The following PTPN4 variants were observed in gnomAD, a reference collection of about 807,000 sequenced individuals.
PTPN4 encodes tyrosine-protein phosphatase non-receptor type 4.
A neutral mutation model predicts 135.5 loss-of-function variants in PTPN4; 49 were observed. The ratio of observed to expected loss-of-function variants is 0.36; its 90% CI spans 0.29 to 0.46. The LOEUF is 0.46. Ranked by LOEUF, PTPN4 falls within the 20% of genes least tolerant of loss-of-function variation. The probability of loss-of-function intolerance (pLI) is 1.00; values close to 1 mark genes in which losing one functional copy is unlikely to be tolerated. For missense variants in PTPN4, 860 were observed against 1,101.0 expected (o/e 0.78, Z 3.10); for synonymous variants, 333 against 369.9 (o/e 0.90, Z 1.14).
intron 20 of PTPN4, among the ~76,000 whole-genome samples, chr2:119,956,296 C>A (rs903739012): frequency 1.4e-4 from 17 of 119,336 alleles, no homozygotes; most frequent in African/African-American, 4.8e-4. Context: ...CTAGGCTGAT[C>A]TCAAATTCCT....
At chr2:119,893,013 G>C (rs919468968) in intron 9 of PTPN4, among the ~76,000 whole-genome samples, 8 of 151,968 alleles carry the variant, frequency 5.3e-5, no homozygotes, top group African/African-American at 1.9e-4. Flanking sequence ...GCAGACATGA[G>C]CCACCACATC....
intron 1 of PTPN4, among the ~76,000 whole-genome samples, chr2:119,777,836 C>T (rs1351215205): frequency 6.6e-6 from 1 of 151,654 alleles, no homozygotes; most frequent in Non-Finnish European, 1.5e-5. Flanking sequence ...TTTTTTTCCC[C>T]TAAGAGATGA....
At chr2:119,929,712 G>A (rs1310967812) in intron 13 of PTPN4, among the ~76,000 whole-genome samples, 2 of 152,062 alleles carry the variant, frequency 1.3e-5, no homozygotes, top group East Asian at 3.9e-4. Flanking sequence ...TTGAGTGGGT[G>A]GGTCCCTGAG....
chr2:119,864,722 C>T (rs559743237), intron 3 of PTPN4, among the ~76,000 whole-genome samples: 7 of 152,164 alleles, frequency 4.6e-5, no homozygotes. Context: ...ATATCATATA[C>T]AAAAAGATGT....
At chr2:119,921,690 G>A (rs951390175) in intron 12 of PTPN4, among the ~76,000 whole-genome samples, 1 of 150,544 alleles carries the variant, frequency 6.6e-6, no homozygotes, top group Non-Finnish European at 1.5e-5. Context: ...AAATTTAAAA[G>A]CAAATAGATG....
At chr2:119,915,343 T>A in intron 11 of PTPN4, 101 bp downstream of exon 11, 2 of 969,450 alleles carry the variant, frequency 2.1e-6, no homozygotes, top group Non-Finnish European at 2.9e-6. Flanking sequence ...AAAGTGCAAT[T>A]AATACTGTGG....
chr2:119,931,342 A>T (rs897946728), intron 13 of PTPN4, among the ~76,000 whole-genome samples: 2 of 151,638 alleles, frequency 1.3e-5, no homozygotes, highest in African/African-American at 4.8e-5. Flanking sequence ...ATTTGTTAAC[A>T]TTCCTAAAAT....
At chr2:119,937,098 C>A (rs1678994873) in intron 15 of PTPN4, among the ~76,000 whole-genome samples, 1 of 152,120 alleles carries the variant, frequency 6.6e-6, no homozygotes, top group Non-Finnish European at 1.5e-5. Context: ...GAACACTTGT[C>A]CCAATTTACA....
rs1167036986 is a variant in PTPN4 at position 119,770,652 on chromosome 2, C to T, written c.-18+10268C>T. On this transcript the variant is annotated intron_variant, in intron 1 of 26. Transcript: ENST00000263708. ...TACCTTGGAGATCATTTGACTTCAG[C>T]ATATAAAAAGCTGTCCCTTTCTTCT... 2.0e-5 allele frequency among the ~76,000 whole-genome samples: 3 copies of T among 152,086 alleles called. No individual in the cohort carries two copies. In the East Asian group the frequency reaches 5.8e-4, roughly 29 times the overall value.
chr2:119,777,620 A>G (rs1690860374), intron 1 of PTPN4, among the ~76,000 whole-genome samples: 1 of 152,158 alleles, frequency 6.6e-6, no homozygotes, highest in African/African-American at 2.4e-5. Context: ...CTTTAGTTAT[A>G]AATATTCTGC....
chr2:119,849,753 G>GGTGACTGATAT (rs1377753219), intron 2 of PTPN4, among the ~76,000 whole-genome samples: 1 of 152,156 alleles, frequency 6.6e-6, no homozygotes, highest in Non-Finnish European at 1.5e-5. Flanking sequence ...ACAGCATTAG[G>GGTGACTGATAT]CATTCTCACA....
chr2:119,766,084 G>T (rs1014672295), intron 1 of PTPN4, among the ~76,000 whole-genome samples: 1 of 152,190 alleles, frequency 6.6e-6, no homozygotes, highest in African/African-American at 2.4e-5. Flanking sequence ...CGGAGAGCAA[G>T]ATACCCTTGT....
At chr2:119,954,859 G>A (rs1052615819) in intron 19 of PTPN4, among the ~76,000 whole-genome samples, 1 of 152,130 alleles carries the variant, frequency 6.6e-6, no homozygotes, top group Non-Finnish European at 1.5e-5. Context: ...CAAATTAAGA[G>A]CGGGTGTATT....
At chr2:119,762,026 T>C (rs1446812660) in intron 1 of PTPN4, among the ~76,000 whole-genome samples, 1 of 152,182 alleles carries the variant, frequency 6.6e-6, no homozygotes, top group Non-Finnish European at 1.5e-5. Context: ...AAAATGTCCC[T>C]AGTAACATTG....
At chr2:119,900,085 C>G (rs1226357349) in intron 9 of PTPN4, among the ~76,000 whole-genome samples, 1 of 152,100 alleles carries the variant, frequency 6.6e-6, no homozygotes, top group East Asian at 1.9e-4. Flanking sequence ...CCCATTCTCT[C>G]ATTAGTGTAG....
intron 10 of PTPN4, among the ~76,000 whole-genome samples, chr2:119,914,493 G>A (rs1166346185): frequency 6.6e-6 from 1 of 152,012 alleles, no homozygotes; most frequent in African/African-American, 2.4e-5. Flanking sequence ...AATGCTGAGA[G>A]CTTCTTGGAT....
intron 1 of PTPN4, among the ~76,000 whole-genome samples, chr2:119,766,437 CGCATGT>C (rs1387350989): frequency 2.6e-5 from 3 of 113,564 alleles, no homozygotes; most frequent in Non-Finnish European, 5.4e-5. Context: ...CTGGTGTATG[CGCATGT>C]GCGCGCGTGT....
chr2:119,934,047 TTA>T (rs1044111898), intron 14 of PTPN4, among the ~76,000 whole-genome samples: 2 of 152,202 alleles, frequency 1.3e-5, no homozygotes, highest in Non-Finnish European at 2.9e-5. Context: ...AAGTAACTAA[TTA>T]ACAGTAGCTC....
At chr2:119,862,318 A>C (rs1377030293) in intron 2 of PTPN4, among the ~76,000 whole-genome samples, 1 of 152,168 alleles carries the variant, frequency 6.6e-6, no homozygotes, top group African/African-American at 2.4e-5. Flanking sequence ...TAACCCATTT[A>C]TGCCTAGTGC....
Sources: allele counts gnomAD v4.1 joint callset (sites outside exome capture counted in the v4.1 genomes callset), GRCh38; gene constraint gnomAD v4.1.1; transcripts MANE v1.5; gene names NCBI Gene and HGNC (gene_info 2026-07-23, HGNC 2026-07-21).